GLIS1: variants seen among roughly 807,000 people sequenced by gnomAD.
GLIS1 encodes zinc finger protein GLIS1.
A neutral mutation model predicts 63.8 loss-of-function variants in GLIS1; 24 were observed. That is an observed-to-expected ratio of 0.38 (90% CI 0.27 to 0.53). The LOEUF is 0.53. GLIS1 is among the 20% of genes least tolerant of loss of function. The pLI, the probability that GLIS1 is intolerant of heterozygous loss-of-function variation, is 0.85. For missense variants in GLIS1, 1,036 were observed against 1,074.1 expected (o/e 0.96, Z 0.50); for synonymous variants, 450 against 482.5 (o/e 0.93, Z 0.88).
chr1:53,624,520 C>T (rs911274568), intron 2 of GLIS1, among the ~76,000 whole-genome samples: 1 of 151,900 alleles, frequency 6.6e-6, no homozygotes, highest in African/African-American at 2.4e-5. Context: ...ATAAATTGGA[C>T]TAAATTAAAA....
At chr1:53,601,090 C>T (rs1645313009) in intron 2 of GLIS1, among the ~76,000 whole-genome samples, 1 of 152,122 alleles carries the variant, frequency 6.6e-6, no homozygotes, top group Non-Finnish European at 1.5e-5. Flanking sequence ...GCTTTCTGTC[C>T]TGTCACTCAC....
At chr1:53,525,285 G>A (rs1202407887) in intron 5 of GLIS1, among the ~76,000 whole-genome samples, 3 of 151,344 alleles carry the variant, frequency 2.0e-5, no homozygotes, top group African/African-American at 7.3e-5. Context: ...TCTGCAGATG[G>A]GGAGGAGGAG....
chr1:53,580,912 CAG>C (rs141469770), intron 4 of GLIS1, among the ~76,000 whole-genome samples: 308 of 152,284 alleles, frequency 2.0e-3, no homozygotes, highest in African/African-American at 7.1e-3. Context: ...ACAGAATCTG[CAG>C]AGATGGGCTT....
intron 2 of GLIS1, among the ~76,000 whole-genome samples, chr1:53,699,209 C>A (rs1273584978): frequency 6.6e-6 from 1 of 152,018 alleles, no homozygotes; most frequent in Non-Finnish European, 1.5e-5. Context: ...GGACTACAGG[C>A]ACGCACCAAC....
At chr1:53,536,905 T>C (rs1644586587) in intron 4 of GLIS1, among the ~76,000 whole-genome samples, 1 of 150,846 alleles carries the variant, frequency 6.6e-6, no homozygotes, top group Non-Finnish European at 1.5e-5. Flanking sequence ...AGAACAGCCT[T>C]GAAAGGCCCA....
intron 8 of GLIS1, among the ~76,000 whole-genome samples, chr1:53,513,845 C>T (rs945370191): frequency 2.0e-5 from 3 of 152,294 alleles, no homozygotes; most frequent in Middle Eastern, 3.4e-3. Context: ...TGGCCCCAGG[C>T]GCAGGCAGGC....
chr1:53,571,171 T>G (rs1402474366), intron 4 of GLIS1, among the ~76,000 whole-genome samples: 1 of 152,192 alleles, frequency 6.6e-6, no homozygotes, highest in Non-Finnish European at 1.5e-5. Flanking sequence ...CTCAACCTCA[T>G]TAGTAATCAG....
At chr1:53,579,695 CGGGGGCAGCCAT>C (rs1193886876) in intron 4 of GLIS1, among the ~76,000 whole-genome samples, 2 of 152,342 alleles carry the variant, frequency 1.3e-5, no homozygotes, top group South Asian at 2.1e-4. Flanking sequence ...GTGCTTGCCG[CGGGGGCAGCCAT>C]GGGGGCAGCC....
intron 4 of GLIS1, among the ~76,000 whole-genome samples, chr1:53,568,778 A>G (rs1198248988): frequency 6.6e-6 from 1 of 152,132 alleles, no homozygotes; most frequent in African/African-American, 2.4e-5. Flanking sequence ...ACCTTACACC[A>G]TAAGTGTAAA....
intron 2 of GLIS1, among the ~76,000 whole-genome samples, chr1:53,601,574 G>C (rs1011015006): frequency 6.6e-6 from 1 of 152,084 alleles, no homozygotes; most frequent in African/African-American, 2.4e-5. Context: ...CACCACTGTC[G>C]CACTTGAGCA....
At chr1:53,678,348 A>AGGGGGGGGGGGGGGGGGGGG (rs1646238583) in intron 2 of GLIS1, among the ~76,000 whole-genome samples, 1 of 2,620 alleles carries the variant, frequency 3.8e-4, no homozygotes. Context: ...GGTGGGGGGC[A>AGGGGGGGGGGGGGGGGGGGG]GGGGGGAGCG....
At chr1:53,550,492 G>C (rs1644747050) in intron 4 of GLIS1, among the ~76,000 whole-genome samples, 1 of 152,200 alleles carries the variant, frequency 6.6e-6, no homozygotes, top group Non-Finnish European at 1.5e-5. Context: ...TCCATTCTGG[G>C]CTCCTACCCA....
chr1:53,730,705 C>A (rs1218778199), intron 2 of GLIS1, among the ~76,000 whole-genome samples: 2 of 152,162 alleles, frequency 1.3e-5, no homozygotes, highest in African/African-American at 4.8e-5. Flanking sequence ...ACCAGAACGG[C>A]TCCTGCAAGT....
At position 53,579,696 on chromosome 1, in the gene GLIS1, G is replaced by A. The variant is rs368497015; in HGVS notation, c.1320+14412C>T. 1.6e-4 allele frequency among the ~76,000 whole-genome samples: 24 copies of A among 152,338 alleles called. No individual in the cohort carries two copies. The East Asian group carries it at 4.2e-3, about 27-fold the overall frequency. ...CCAGTACGCAAGCTGTGCTTGCCGC[G>A]GGGGCAGCCATGGGGGCAGCCGTGG... On this transcript the variant is annotated intron_variant, in intron 4 of 10. Transcript: ENST00000628545.
intron 2 of GLIS1, among the ~76,000 whole-genome samples, chr1:53,668,813 G>C (rs1646121747): frequency 6.6e-6 from 1 of 152,116 alleles, no homozygotes; most frequent in Non-Finnish European, 1.5e-5. Context: ...GTGATATTCA[G>C]ACAACAACAA....
intron 4 of GLIS1, among the ~76,000 whole-genome samples, chr1:53,581,370 CTCTG>C (rs149189211): frequency 0.015 from 2,217 of 152,300 alleles, 27 homozygotes; most frequent in Admixed American, 0.026. Context: ...AGTCCTGACT[CTCTG>C]TCTGAGTCCT....
At chr1:53,638,719 A>G (rs1359630034) in intron 2 of GLIS1, among the ~76,000 whole-genome samples, 1 of 151,980 alleles carries the variant, frequency 6.6e-6, no homozygotes, top group African/African-American at 2.4e-5. Context: ...GCCCCTTCCA[A>G]CCCTAGAACC....
intron 4 of GLIS1, among the ~76,000 whole-genome samples, chr1:53,542,665 G>A (rs1163494655): frequency 6.6e-6 from 1 of 152,236 alleles, no homozygotes; most frequent in Non-Finnish European, 1.5e-5. Context: ...TTGGAGGGAA[G>A]CCAGACGCAT....
intron 4 of GLIS1, among the ~76,000 whole-genome samples, chr1:53,573,108 T>A (rs1348603542): frequency 6.6e-6 from 1 of 152,182 alleles, no homozygotes; most frequent in Non-Finnish European, 1.5e-5. Context: ...AGCTGAATTA[T>A]GTCTGTGTCC....
Sources: allele counts gnomAD v4.1 joint callset (sites outside exome capture counted in the v4.1 genomes callset), GRCh38; gene constraint gnomAD v4.1.1; transcripts MANE v1.5; gene names NCBI Gene and HGNC (gene_info 2026-07-23, HGNC 2026-07-21).